The following CSMD1 variants were observed in gnomAD, a reference collection of about 807,000 sequenced individuals.
CSMD1 encodes CUB and Sushi multiple domains 1, also known as CUB and sushi domain-containing protein 1.
CSMD1 carries 213 observed loss-of-function variants against 417.5 expected under a neutral mutation model. The observed-to-expected ratio is 0.51, with a 90% confidence interval of 0.46 to 0.57. The LOEUF is 0.57. Among genes scored for constraint, CSMD1 ranks in the 20% least tolerant of loss-of-function variants. The probability of loss-of-function intolerance (pLI) is 0.00; values close to 1 mark genes in which losing one functional copy is unlikely to be tolerated. For synonymous variants in CSMD1, 2,862 were observed against 1,736.8 expected (o/e 1.65, Z -16.11); for missense variants, 6,923 against 4,529.7 (o/e 1.53, Z -15.17).
At chr8:4,137,706 C>G (rs1017391736) in intron 3 of CSMD1, among the ~76,000 whole-genome samples, 1 of 121,404 alleles carries the variant, frequency 8.2e-6, no homozygotes, top group Non-Finnish European at 2.0e-5. Context: ...GAGATCACAT[C>G]GATAAAGATA....
chr8:3,316,126 G>A (rs1268560828), intron 23 of CSMD1, among the ~76,000 whole-genome samples: 4 of 152,132 alleles, frequency 2.6e-5, no homozygotes, highest in Non-Finnish European at 4.4e-5. Context: ...TGGATGAACT[G>A]AAATAATTTC....
chr8:3,631,578 A>T (rs1796786055), intron 7 of CSMD1, among the ~76,000 whole-genome samples: 1 of 152,232 alleles, frequency 6.6e-6, no homozygotes, highest in African/African-American at 2.4e-5. Flanking sequence ...TGACGCTAAG[A>T]AGCCAAATCG....
At chr8:4,071,512 T>G (rs950143949) in intron 3 of CSMD1, among the ~76,000 whole-genome samples, 2 of 152,232 alleles carry the variant, frequency 1.3e-5, no homozygotes, top group Non-Finnish European at 2.9e-5. Context: ...CTTCCTTTAC[T>G]TATTTAAGCA....
At chr8:4,885,232 C>G (rs557687709) in intron 1 of CSMD1, among the ~76,000 whole-genome samples, 8 of 151,958 alleles carry the variant, frequency 5.3e-5, no homozygotes, top group Non-Finnish European at 1.2e-4. Context: ...GTTTTTTAAT[C>G]GAATTTCTTA....
At chr8:3,289,188 G>T (rs1803371283) in intron 25 of CSMD1, among the ~76,000 whole-genome samples, 1 of 147,408 alleles carries the variant, frequency 6.8e-6, no homozygotes, top group Non-Finnish European at 1.5e-5. Flanking sequence ...AGTATTCCAT[G>T]GTGTATATGT....
intron 2 of CSMD1, among the ~76,000 whole-genome samples, chr8:4,556,353 A>C (rs1402578179): frequency 6.6e-6 from 1 of 152,196 alleles, no homozygotes; most frequent in Non-Finnish European, 1.5e-5. Context: ...AAGGTTATGA[A>C]GATGTCCAAA....
At chr8:3,107,585 G>C (rs59028493) in intron 45 of CSMD1, 133 bp downstream of exon 45, 81,806 of 536,780 alleles carry the variant, frequency 0.15, 6,044 homozygotes, top group Admixed American at 0.17. Flanking sequence ...TTTAAGGATA[G>C]TTTGTTCTTT....
chr8:3,763,293 C>G, intron 5 of CSMD1, among the ~76,000 whole-genome samples: 1 of 152,142 alleles, frequency 6.6e-6, no homozygotes, highest in Non-Finnish European at 1.5e-5. Context: ...CTCATGTTGA[C>G]ATATGATTGC....
intron 7 of CSMD1, among the ~76,000 whole-genome samples, chr8:3,667,882 C>T (rs1175495408): frequency 6.6e-6 from 1 of 152,120 alleles, no homozygotes; most frequent in Non-Finnish European, 1.5e-5. Context: ...GTAGAAGCAG[C>T]CAAGGCCAGA....
At chr8:4,787,803 C>T (rs1797486018) in intron 1 of CSMD1, 2 of 1,573,796 alleles carry the variant, frequency 1.3e-6, no homozygotes, top group Non-Finnish European at 1.7e-6. Flanking sequence ...AATTGGATAT[C>T]ATGAGTCATG....
chr8:3,225,136 A>T (rs538851179), intron 27 of CSMD1, among the ~76,000 whole-genome samples: 1 of 152,322 alleles, frequency 6.6e-6, no homozygotes, highest in South Asian at 2.1e-4. Context: ...AGATGAAGGA[A>T]CATGCTTCAC....
At chr8:3,347,929 A>G (rs1297212879) in intron 22 of CSMD1, 63 bp downstream of exon 22, 2 of 1,151,074 alleles carry the variant, frequency 1.7e-6, no homozygotes, top group Admixed American at 2.9e-5. Flanking sequence ...AGAAAAATAG[A>G]TAGACAATGT....
chr8:4,485,908 C>T (rs1019728919), intron 2 of CSMD1, among the ~76,000 whole-genome samples: 3 of 151,850 alleles, frequency 2.0e-5, no homozygotes, highest in African/African-American at 7.3e-5. Context: ...GATTTCCTGG[C>T]AGCCAGGAAG....
rs569821646 is a variant in CSMD1 at position 3,020,344 on chromosome 8, T to C, written c.7856-1694A>G. Among the ~76,000 whole-genome samples, 9 of 152,286 alleles carry C rather than the reference T, an allele frequency of 5.9e-5. No individual in the cohort carries two copies. In the South Asian group the frequency reaches 1.9e-3, roughly 32 times the overall value. ...AATTCAAGTGAGGAAAATAAAGTGA[T>C]GCATGTACCACTAAAACCAGCCCTT... On this transcript the variant is annotated intron_variant, in intron 51 of 69. Transcript: ENST00000635120.
intron 10 of CSMD1, among the ~76,000 whole-genome samples, chr8:3,541,955 G>A (rs1356964403): frequency 6.6e-6 from 1 of 152,024 alleles, no homozygotes; most frequent in East Asian, 1.9e-4. Flanking sequence ...GGTGGAGGTT[G>A]GAGTGAGCCT....
chr8:4,666,339 G>GCTT (rs1804930212), intron 1 of CSMD1, among the ~76,000 whole-genome samples: 1 of 152,152 alleles, frequency 6.6e-6, no homozygotes, highest in Admixed American at 6.6e-5. Flanking sequence ...ATCAGAGAGG[G>GCTT]CTTTTAACAT....
At chr8:3,348,268 G>A in intron 21 of CSMD1, 107 bp from the exon 22 acceptor site, 2 of 786,770 alleles carry the variant, frequency 2.5e-6, no homozygotes, top group Non-Finnish European at 4.0e-6. Flanking sequence ...ATCAACGTAT[G>A]TGTGTTAGTA....
chr8:4,615,711 T>C (rs1028656011), intron 2 of CSMD1, among the ~76,000 whole-genome samples: 1 of 152,184 alleles, frequency 6.6e-6, no homozygotes, highest in Non-Finnish European at 1.5e-5. Context: ...TGTTAATTTT[T>C]TGAAACTGCC....
intron 18 of CSMD1, among the ~76,000 whole-genome samples, chr8:3,387,159 G>T (rs1471713107): frequency 6.6e-6 from 1 of 152,194 alleles, no homozygotes; most frequent in African/African-American, 2.4e-5. Context: ...GGGAAAATCA[G>T]GTCTGACATC....
Sources: gnomAD v4.1 joint callset for allele counts (sites outside exome capture counted in the v4.1 genomes callset) on GRCh38, gnomAD v4.1.1 for gene constraint, MANE v1.5 for transcripts, NCBI Gene and HGNC (gene_info 2026-07-23, HGNC 2026-07-21) for gene names.